The following COPS4 variants were observed in gnomAD, a reference collection of about 807,000 sequenced individuals.
The protein encoded by COPS4 is COP9 signalosome complex subunit 4.
COPS4 carries 8 observed loss-of-function variants against 55.1 expected under a neutral mutation model. The observed-to-expected ratio is 0.15, with a 90% CI of 0.09 to 0.26. The LOEUF is 0.26. COPS4 is among the 10% of genes least tolerant of loss of function. The pLI, the probability that COPS4 is intolerant of heterozygous loss-of-function variation, is 1.00. For missense variants in COPS4, 248 were observed against 484.0 expected, an observed-to-expected ratio of 0.51 and a Z score of 4.58; for synonymous variants, 185 against 165.7, an observed-to-expected ratio of 1.12 and a Z score of -0.90.
At chr4:83,061,844 G>T (rs540863965) in intron 6 of COPS4, among the ~76,000 whole-genome samples, 1 of 152,224 alleles carries the variant, frequency 6.6e-6, no homozygotes, top group East Asian at 1.9e-4. Context: ...GGCCAGTTAC[G>T]TCTTTTTGAC....
intron 1 of COPS4, among the ~76,000 whole-genome samples, chr4:83,038,607 A>G (rs989396773): frequency 7.0e-6 from 1 of 143,254 alleles, no homozygotes; most frequent in Non-Finnish European, 1.5e-5. Context: ...CCTAAAAATT[A>G]TATTAGCACT....
chr4:83,069,536 T>C (rs1731368643), intron 9 of COPS4, among the ~76,000 whole-genome samples: 1 of 152,208 alleles, frequency 6.6e-6, no homozygotes, highest in East Asian at 1.9e-4. Flanking sequence ...GGTACATTTC[T>C]GTAGTCCACT....
intron 7 of COPS4, among the ~76,000 whole-genome samples, chr4:83,063,687 A>T (rs978143746): frequency 1.3e-5 from 2 of 151,130 alleles, no homozygotes; most frequent in South Asian, 4.2e-4. Context: ...GATTACAGGC[A>T]TGAGCCACCA....
chr4:83,065,836 C>G (rs531884350), intron 7 of COPS4, among the ~76,000 whole-genome samples: 1 of 152,290 alleles, frequency 6.6e-6, no homozygotes, highest in African/African-American at 2.4e-5. Context: ...CTGCTGCTTG[C>G]TAGTAAAAGT....
At position 83,063,191 on chromosome 4, in the gene COPS4, A is replaced by G. The variant is rs757799679; in HGVS notation, c.831A>G (p.Gln277=). 8.1e-6 allele frequency: 13 copies of G among 1,612,746 alleles called. No individual in the cohort carries two copies. Among genetic ancestry groups the G allele is most frequent in the East Asian group, 4.5e-5 (2 of 44,844 alleles). The change falls in exon 7 of 10, where the codon CAA becomes CAG. Residue 277 remains glutamine (Q), a synonymous_variant. Coordinates refer to ENST00000264389, the MANE Select transcript of COPS4 (RefSeq NM_016129.3). ...MYLDRIIRGN[Q]LQEFAAMLMP... ...TAGATAGGATCATCAGAGGAAATCA[A>G]CTTCAAGAATTTGCTGCCATGCTGA... is the stretch of plus-strand genomic sequence containing the variant.
At chr4:83,035,376 G>A in intron 1 of COPS4, 78 bp downstream of exon 1, 1 of 1,223,482 alleles carries the variant, frequency 8.2e-7, no homozygotes, top group East Asian at 3.4e-5. Context: ...GGTTGGCCAC[G>A]GCTCTTGGGC....
chr4:83,070,462 T>C (rs1731395798), intron 9 of COPS4, among the ~76,000 whole-genome samples: 1 of 152,184 alleles, frequency 6.6e-6, no homozygotes, highest in Non-Finnish European at 1.5e-5. Context: ...TTCTTGTGTG[T>C]CCCCCACGAC....
intron 6 of COPS4, among the ~76,000 whole-genome samples, chr4:83,060,062 T>TA (rs1225862378): frequency 2.0e-5 from 3 of 152,162 alleles, no homozygotes; most frequent in African/African-American, 4.8e-5. Flanking sequence ...TTGTTTTAGT[T>TA]AAAGTATATG....
At chr4:83,051,752 A>C (rs753676206) in intron 4 of COPS4, among the ~76,000 whole-genome samples, 5 of 152,354 alleles carry the variant, frequency 3.3e-5, no homozygotes, top group Non-Finnish European at 7.3e-5. Flanking sequence ...ATTGACATAT[A>C]GATGAAATTT....
chr4:83,052,224 G>A (rs1341815696), intron 4 of COPS4, among the ~76,000 whole-genome samples: 7 of 152,186 alleles, frequency 4.6e-5, no homozygotes, highest in African/African-American at 9.6e-5. Context: ...GACAGCAGAC[G>A]TTAGGCTAAG....
intron 8 of COPS4, 79 bp downstream of exon 8, chr4:83,066,632 T>C: frequency 1.4e-6 from 1 of 695,586 alleles, no homozygotes; most frequent in Non-Finnish European, 2.4e-6. Context: ...AAAATAAATG[T>C]TGGAAACAAC....
At chr4:83,050,073 CAG>C (rs1578708776) in intron 4 of COPS4, 89 bp downstream of exon 4, 4 of 740,464 alleles carry the variant, frequency 5.4e-6, no homozygotes, top group South Asian at 2.2e-5. Flanking sequence ...GTACAGGAAA[CAG>C]ATAAACAAAT....
intron 4 of COPS4, 35 bp downstream of exon 4, chr4:83,050,019 T>C (rs1306775337): frequency 1.7e-6 from 2 of 1,210,126 alleles, no homozygotes; most frequent in Non-Finnish European, 2.4e-6. Flanking sequence ...TGACTATATA[T>C]AGGATGTATA....
chr4:83,057,157 G>A, intron 5 of COPS4, 78 bp downstream of exon 5: 2 of 1,508,032 alleles, frequency 1.3e-6, no homozygotes, highest in Non-Finnish European at 1.8e-6. Flanking sequence ...ACATCTGATA[G>A]ATGCTCTTAA....
chr4:83,054,327 G>A (rs566004023), intron 4 of COPS4, among the ~76,000 whole-genome samples: 1 of 152,126 alleles, frequency 6.6e-6, no homozygotes, highest in East Asian at 1.9e-4. Context: ...GGGTGACAGA[G>A]CGAGACTCCA....
At chr4:83,056,689 C>T (rs1468872369) in intron 4 of COPS4, among the ~76,000 whole-genome samples, 1 of 152,054 alleles carries the variant, frequency 6.6e-6, no homozygotes, top group African/African-American at 2.4e-5. Context: ...GTCCCAGCTA[C>T]TTGGGAGGCT....
chr4:83,049,999 G>A lies in COPS4; in HGVS notation c.410+15G>A, dbSNP rs1730850682. 9.7e-6 allele frequency: 14 copies of A among 1,447,252 alleles called. No individual in the cohort carries two copies. Among genetic ancestry groups the A allele is most frequent in the Non-Finnish European group, 1.4e-5 (14 of 1,037,002 alleles). The allele number at this position is 1,447,252 out of a possible 1,614,324, so 89.7% of individuals were successfully genotyped here. A position where few individuals can be genotyped will look rare whatever the true frequency, so the allele number is the denominator to read the frequency against. ...ACAGGACAAAAGTATAGTAAATAGTGGATATTGGATGACTATATATAGGAT... is the reference window on the plus strand; with the variant it reads ...ACAGGACAAAAGTATAGTAAATAGTAGATATTGGATGACTATATATAGGAT... On this transcript the variant is annotated intron_variant, in intron 4 of 9. Transcript: ENST00000264389.
At chr4:83,068,909 G>T (rs952536838) in intron 9 of COPS4, among the ~76,000 whole-genome samples, 1 of 150,832 alleles carries the variant, frequency 6.6e-6, no homozygotes, top group Non-Finnish European at 1.5e-5. Flanking sequence ...GGCAGAAGTT[G>T]CAGTGAGCCG....
At chr4:83,050,244 G>A (rs1273870455) in intron 4 of COPS4, among the ~76,000 whole-genome samples, 2 of 152,166 alleles carry the variant, frequency 1.3e-5, no homozygotes, top group Non-Finnish European at 2.9e-5. Flanking sequence ...AGATAAGGGA[G>A]TAGCTAAGAG....
Sources: gnomAD v4.1 joint callset for allele counts (sites outside exome capture counted in the v4.1 genomes callset) on GRCh38, gnomAD v4.1.1 for gene constraint, MANE v1.5 for transcripts, NCBI Gene and HGNC (gene_info 2026-07-23, HGNC 2026-07-21) for gene names.